PZP: variants seen among roughly 807,000 people sequenced by gnomAD.
PZP encodes the protein PZP alpha-2-macroglobulin like.
PZP carries 150 observed loss-of-function variants against 179.8 expected under a neutral mutation model. The ratio of observed to expected loss-of-function variants is 0.83; its 90% CI spans 0.73 to 0.96. PZP has a LOEUF of 0.96. PZP is among the 40% of genes least tolerant of loss of function. The pLI is 0.00. For missense variants in PZP, 1,689 were observed against 1,764.0 expected (o/e 0.96, Z 0.76); for synonymous variants, 624 against 652.3 (o/e 0.96, Z 0.66).
At chr12:9,181,924 C>G in intron 14 of PZP, 51 bp downstream of exon 14, 2 of 1,577,636 alleles carry the variant, frequency 1.3e-6, no homozygotes, top group African/African-American at 2.7e-5. Flanking sequence ...ATAGATGGCA[C>G]CTACAGTATC....
chr12:9,162,959 T>C (rs1369478574), intron 21 of PZP, among the ~76,000 whole-genome samples: 1 of 152,140 alleles, frequency 6.6e-6, no homozygotes, highest in Non-Finnish European at 1.5e-5. Context: ...AGGCCCCATA[T>C]ATGTTGCTCG....
At chr12:9,203,699 T>A in intron 2 of PZP, 69 bp downstream of exon 2, 1 of 1,557,492 alleles carries the variant, frequency 6.4e-7, no homozygotes, top group Non-Finnish European at 8.8e-7. Flanking sequence ...CAGAGCTCCA[T>A]CACCATGACC....
rs1565662863 is a variant in PZP at position 9,196,440 on chromosome 12, C to G, written c.983-1G>C. 1 of 1,606,414 alleles carries G rather than the reference C, an allele frequency of 6.2e-7. No homozygotes were observed. The stretch of plus-strand genomic sequence containing the variant: ...ATCCTGTTTGCAGTGACTTCCAGGT[C>G]TGAAAAATATAAAGAGTCAGTACTT... On this transcript the variant is annotated splice_acceptor_variant, in intron 9 of 35. Transcript: ENST00000261336. LOFTEE classifies it high-confidence loss of function.
In PZP at chr12:9,182,013, A is replaced by T; in HGVS notation, c.1651T>A (p.Ser551Thr). Residue 551 changes from serine to threonine, a missense_variant, in exon 14 of 36, where the codon TCT (serine) becomes ACT (threonine). This residue lies in a region of PZP where 742 missense variants were observed against 730.5 expected (regional missense o/e 1.02). Coordinates refer to ENST00000261336, the MANE Select transcript of PZP (RefSeq NM_002864.3). ...CAGTTTTCAATCTCAAATTTTTCAG[A>T]GTCTCCAACAACTTCTCCATCTGGT... ...ILPDGEVVGD[S>T]EKFEIENCLA... The T allele has an allele frequency of 6.2e-7, 1 of 1,613,918 alleles. No homozygotes were observed. Among genetic ancestry groups the T allele is most frequent in the Middle Eastern group, 1.6e-4 (1 of 6,062 alleles).
At chr12:9,202,726 T>G in intron 2 of PZP, 42 bp from the exon 3 acceptor site, 11 of 1,563,982 alleles carry the variant, frequency 7.0e-6, no homozygotes, top group Non-Finnish European at 9.6e-6. Context: ...AACTGTGCAG[T>G]CTTCTCCCTC....
chr12:9,183,023 T>C (rs1299443417), intron 13 of PZP, among the ~76,000 whole-genome samples: 1 of 152,206 alleles, frequency 6.6e-6, no homozygotes, highest in African/African-American at 2.4e-5. Flanking sequence ...ATACATAGGA[T>C]AACAGAGTCT....
chr12:9,154,114 T>G (rs1389596158), intron 29 of PZP, among the ~76,000 whole-genome samples: 2 of 152,172 alleles, frequency 1.3e-5, no homozygotes, highest in East Asian at 1.9e-4. Flanking sequence ...ACACATTTTT[T>G]GGGGAATACA....
At chr12:9,187,875 T>C (rs1592530488) in intron 13 of PZP, among the ~76,000 whole-genome samples, 1 of 152,148 alleles carries the variant, frequency 6.6e-6, no homozygotes, top group Non-Finnish European at 1.5e-5. Context: ...ATGGAAAAAA[T>C]GGCAGCCAGC....
intron 1 of PZP, 22 bp downstream of exon 1, chr12:9,208,237 A>C (rs199816044): frequency 3.8e-6 from 6 of 1,592,200 alleles, no homozygotes; most frequent in Non-Finnish European, 5.2e-6. Context: ...CTCTGGAGGA[A>C]GGGGTCTTGA....
chr12:9,141,682 C>T, the PZP span, among the ~76,000 whole-genome samples: 2 of 152,206 alleles, frequency 1.3e-5, no homozygotes, highest in Admixed American at 1.3e-4. Flanking sequence ...TCCACATTCT[C>T]ATGCCTCCTT....
chr12:9,194,268 G>C (rs1205683536), intron 10 of PZP, 30 bp from the exon 11 acceptor site: 4 of 1,608,394 alleles, frequency 2.5e-6, no homozygotes, highest in Non-Finnish European at 3.4e-6. Flanking sequence ...GATAGTTGAT[G>C]TGAACAACAC....
chr12:9,192,215 A>G lies in PZP; in HGVS notation c.1524T>C (p.Thr508=). Residue 508 remains threonine, a synonymous_variant, in exon 13 of 36, where the codon ACT becomes ACC. Coordinates refer to ENST00000261336, the MANE Select transcript of PZP (RefSeq NM_002864.3). ...CACTGTCTCCTGACTCCACAGGCAG[A>G]GTGTGGGTTCCAGATCTGACGATGA... is the stretch of plus-strand genomic sequence containing the variant. ...KGVIVRSGTH[T]LPVESGDMKG... 2 of 1,614,000 alleles carry G rather than the reference A, an allele frequency of 1.2e-6. No homozygotes were observed. Among genetic ancestry groups the G allele is most frequent in the South Asian group, 1.1e-5 (1 of 91,072 alleles).
rs1235747550 is a variant in PZP, at chr12:9,163,710, C to T, written c.2694G>A (p.Glu898=). 3.1e-6 allele frequency: 5 copies of T among 1,613,830 alleles called. No individual in the cohort carries two copies. Among genetic ancestry groups the T allele is most frequent in the Non-Finnish European group, 4.2e-6 (5 of 1,179,922 alleles). ...LCGNEVVEVP[E]IKRKDTVIKT... is the part of the protein sequence containing the mutation. ...TGATGACTGTGTCTTTTCTTTTAAT[C>T]TCAGGGACCTCAACAACCTCATTTC... Residue 898 remains glutamate (E), a synonymous_variant, in exon 21 of 36, where the codon GAG becomes GAA. Coordinates refer to ENST00000261336, the MANE Select transcript of PZP (RefSeq NM_002864.3).
intron 11 of PZP, 115 bp from the exon 12 acceptor site, chr12:9,192,854 C>T: frequency 6.3e-6 from 4 of 637,254 alleles, no homozygotes; most frequent in Middle Eastern, 3.1e-4. Flanking sequence ...CTATGCCTCT[C>T]CCTCATACTG....
the PZP span, among the ~76,000 whole-genome samples, chr12:9,138,827 T>C: frequency 2.0e-5 from 3 of 152,064 alleles, no homozygotes; most frequent in African/African-American, 4.8e-5. Flanking sequence ...AGTTATAATG[T>C]ATCTTCTTTC....
intron 28 of PZP, among the ~76,000 whole-genome samples, chr12:9,156,888 TA>T (rs1232268981): frequency 1.8e-4 from 28 of 152,184 alleles, no homozygotes; most frequent in Middle Eastern, 3.4e-3. Context: ...GCACAGTTTT[TA>T]AAAAAACTTT....
At chr12:9,174,649 C>T (rs1383108968) in intron 15 of PZP, among the ~76,000 whole-genome samples, 1 of 152,166 alleles carries the variant, frequency 6.6e-6, no homozygotes, top group African/African-American at 2.4e-5. Context: ...AAATCACAGG[C>T]ATTTCTATAC....
intron 31 of PZP, 84 bp from the exon 32 acceptor site, chr12:9,152,394 G>GTC: frequency 1.0e-6 from 1 of 995,726 alleles, no homozygotes; most frequent in East Asian, 2.4e-5. Flanking sequence ...CTTTAAGCCT[G>GTC]TCTGTCTTCA....
intron 34 of PZP, 42 bp from the exon 35 acceptor site, chr12:9,149,644 T>C (rs777606339): frequency 6.9e-5 from 110 of 1,594,504 alleles, no homozygotes; most frequent in Non-Finnish European, 9.0e-5. Context: ...GAAAGATCTA[T>C]GAACTAGGGA....
Sources: allele counts gnomAD v4.1 joint callset (sites outside exome capture counted in the v4.1 genomes callset), GRCh38; gene constraint gnomAD v4.1.1; regional missense constraint gnomAD v4.1.1; transcripts MANE v1.5; gene names NCBI Gene and HGNC (gene_info 2026-07-23, HGNC 2026-07-21).